NUDCD1: variants seen among roughly 807,000 people sequenced by gnomAD.
NUDCD1 encodes the protein NudC domain containing 1.
A neutral mutation model predicts 67.8 loss-of-function variants in NUDCD1; 60 were observed. That is an observed-to-expected ratio of 0.88 (90% confidence interval 0.72 to 1.10). The LOEUF is 1.10. NUDCD1 is among the 50% of genes least tolerant of loss of function. NUDCD1 has a pLI of 0.00. For missense variants in NUDCD1, 643 were observed against 695.0 expected (o/e 0.93, Z 0.84); for synonymous variants, 244 against 230.8 (o/e 1.06, Z -0.52).
At chr8:109,306,105 C>T in intron 2 of NUDCD1, among the ~76,000 whole-genome samples, 1 of 152,274 alleles carries the variant, frequency 6.6e-6, no homozygotes, top group Admixed American at 6.5e-5. Context: ...CTCCTACTCA[C>T]CACTCTCAAC....
chr8:109,309,335 C>A (rs1236116806), intron 2 of NUDCD1, among the ~76,000 whole-genome samples: 1 of 152,138 alleles, frequency 6.6e-6, no homozygotes, highest in Non-Finnish European at 1.5e-5. Context: ...TGATACACCA[C>A]ATAAACAGAA....
intron 2 of NUDCD1, among the ~76,000 whole-genome samples, chr8:109,317,368 G>A (rs545856560): frequency 5.3e-5 from 8 of 152,114 alleles, no homozygotes; most frequent in East Asian, 3.9e-4. Context: ...CATAATATCC[G>A]TCTCTATTAA....
intron 2 of NUDCD1, among the ~76,000 whole-genome samples, chr8:109,306,639 C>G (rs1040736863): frequency 2.4e-4 from 37 of 151,646 alleles, no homozygotes; most frequent in African/African-American, 9.0e-4. Flanking sequence ...GAACCCCCCC[C>G]ACCCCCGGAC....
At chr8:109,268,714 C>G (rs1008477802) in intron 8 of NUDCD1, among the ~76,000 whole-genome samples, 1 of 152,128 alleles carries the variant, frequency 6.6e-6, no homozygotes, top group Non-Finnish European at 1.5e-5. Flanking sequence ...AGAAGAACAA[C>G]CAGATTCTTC....
intron 1 of NUDCD1, among the ~76,000 whole-genome samples, chr8:109,333,290 G>C (rs1428642008): frequency 6.6e-6 from 1 of 152,162 alleles, no homozygotes; most frequent in African/African-American, 2.4e-5. Context: ...GTAAAAACAA[G>C]AGTAAGGATA....
intron 8 of NUDCD1, among the ~76,000 whole-genome samples, chr8:109,246,906 AT>A (rs1813510595): frequency 6.6e-6 from 1 of 152,170 alleles, no homozygotes; most frequent in South Asian, 2.1e-4. Flanking sequence ...GGGACCTATT[AT>A]TGGTAAAGCT....
rs150398509 is a variant in NUDCD1, at chr8:109,318,886, G to A, written c.273+3423C>T. ...AATATACTGATCAAGCCTTCTGCTG[G>A]GTGCTAGAACCCATGGCCTCGTCCA... On this transcript the variant is annotated intron_variant, in intron 2 of 9. Transcript: ENST00000239690. 4.5e-3 allele frequency among the ~76,000 whole-genome samples: 685 copies of A among 151,882 alleles called. 1 individual carries two copies. Among genetic ancestry groups the A allele is most frequent in the Middle Eastern group, 0.017 (5 of 288 alleles).
chr8:109,276,570 C>T (rs940089837), intron 6 of NUDCD1, among the ~76,000 whole-genome samples: 1 of 152,168 alleles, frequency 6.6e-6, no homozygotes, highest in African/African-American at 2.4e-5. Context: ...CTGAAACTAC[C>T]TATTTTAAGA....
intron 2 of NUDCD1, among the ~76,000 whole-genome samples, chr8:109,296,889 T>C (rs1217708934): frequency 6.6e-6 from 1 of 152,204 alleles, no homozygotes; most frequent in Non-Finnish European, 1.5e-5. Flanking sequence ...CAGACCCACA[T>C]GGGGAGGAAA....
rs780600643 is a variant in NUDCD1 at position 109,296,433 on chromosome 8, T to C, written c.410A>G (p.Tyr137Cys). The C allele has an allele frequency of 9.3e-6, 15 of 1,613,706 alleles. No homozygotes were observed. The highest frequency in any genetic ancestry group is 1.1e-5 in the Non-Finnish European group (13 of 1,179,730). ...VTLSDGTGRLYVIGTGERGNS... is the reference protein window; with the variant it reads ...VTLSDGTGRLCVIGTGERGNS... ...TCCACGTTCACCTGTTCCAATGACATACAATCTTCCAGTTCCATCTGACAA... is the reference window on the plus strand; with the variant it reads ...TCCACGTTCACCTGTTCCAATGACACACAATCTTCCAGTTCCATCTGACAA... The change falls in exon 3 of 10, where the codon TAT becomes TGT. Residue 137 changes from tyrosine to cysteine, a missense_variant. Coordinates refer to ENST00000239690, the MANE Select transcript of NUDCD1 (RefSeq NM_032869.4).
chr8:109,322,396 A>T lies in NUDCD1; in HGVS notation c.186T>A (p.Tyr62Ter), dbSNP rs1487744986. Residue 62 changes from tyrosine to a stop codon, truncating the protein, a stop_gained, in exon 2 of 10, where the codon TAT (tyrosine) becomes TAA (stop). Transcript: ENST00000239690. LOFTEE classifies it high-confidence loss of function. ...ACCATGAATCACAGTGCAGGTAATT[A>T]TACATTCCAAAAGCATGCATGTGTT... ...TLEHMHAFGM[Y>*]NYLHCDSWYQ... 6.2e-7 allele frequency: 1 copy of T among 1,603,834 alleles called. No individual in the cohort carries two copies. Among genetic ancestry groups the T allele is most frequent in the Non-Finnish European group, 8.5e-7 (1 of 1,171,124 alleles).
intron 5 of NUDCD1, among the ~76,000 whole-genome samples, chr8:109,284,002 A>C (rs897082803): frequency 3.3e-5 from 5 of 151,540 alleles, no homozygotes; most frequent in Non-Finnish European, 4.4e-5. Context: ...AAAAAAAAAA[A>C]AAAAACAAAA....
intron 2 of NUDCD1, 109 bp downstream of exon 2, chr8:109,322,200 G>A (rs546709392): frequency 5.5e-6 from 3 of 541,608 alleles, no homozygotes; most frequent in South Asian, 6.7e-5. Flanking sequence ...TATACTACAG[G>A]TATGTGCACC....
chr8:109,245,348 T>A lies in NUDCD1; in HGVS notation c.1433A>T (p.Glu478Val). ...PHSSKQDDMW[E>V]HIATFNALGY... ...TAAAGCATTGAAAGTTGCGATGTGC[T>A]CCCACATATCATCTTGTTTGCTGGA... Residue 478 changes from glutamate to valine, a missense_variant, in exon 9 of 10, where the codon GAG becomes GTG. Glu to Val is a moderately radical substitution (Grantham distance 121). Transcript: ENST00000239690. 1 of 1,613,774 alleles carries A rather than the reference T, an allele frequency of 6.2e-7. No individual in the cohort carries two copies. Among genetic ancestry groups the A allele is most frequent in the Non-Finnish European group, 8.5e-7 (1 of 1,179,846 alleles).
At chr8:109,329,672 T>C in intron 1 of NUDCD1, 2 of 733,662 alleles carry the variant, frequency 2.7e-6, no homozygotes, top group Non-Finnish European at 2.1e-6. Flanking sequence ...AGTATCTTGA[T>C]TGTGGTGATG....
At chr8:109,263,878 G>C (rs1353133509) in intron 8 of NUDCD1, among the ~76,000 whole-genome samples, 9 of 152,174 alleles carry the variant, frequency 5.9e-5, no homozygotes, top group Admixed American at 5.9e-4. Context: ...ATAAATTACT[G>C]CAAATAATAG....
rs1307119300 is a variant in NUDCD1 at position 109,241,479 on chromosome 8, G to A, written c.*1530C>T. 6.6e-6 allele frequency: 1 copy of A among 151,786 alleles called. No individual in the cohort carries two copies. Among genetic ancestry groups the A allele is most frequent in the Non-Finnish European group, 1.5e-5 (1 of 67,928 alleles). 9.4% of individuals were successfully genotyped at this position (151,786 alleles called of 1,614,324 possible). A position where few individuals can be genotyped will look rare whatever the true frequency, so the allele number is the denominator to read the frequency against. ...AAAGTTCTGGAAATATCACTGTTTTGGTTTTTGGTTACTATACAGTTTTCC... is the reference window on the plus strand; with the variant it reads ...AAAGTTCTGGAAATATCACTGTTTTAGTTTTTGGTTACTATACAGTTTTCC... On this transcript the variant is annotated 3_prime_UTR_variant, in exon 10 of 10. Transcript: ENST00000239690.
At chr8:109,263,346 C>A (rs999057111) in intron 8 of NUDCD1, among the ~76,000 whole-genome samples, 3 of 152,124 alleles carry the variant, frequency 2.0e-5, no homozygotes, top group African/African-American at 7.2e-5. Context: ...GATTCAAGTT[C>A]CCTAAGCTCA....
Position 109,293,337 on chromosome 8 carries a change from GTT to G in NUDCD1, c.640+5_640+6del. 1 of 1,509,456 alleles carries G rather than the reference GTT, an allele frequency of 6.6e-7. No individual in the cohort carries two copies. The highest frequency in any genetic ancestry group is 8.9e-7 in the Non-Finnish European group (1 of 1,118,972). The allele number at this position is 1,509,456 out of a possible 1,614,324, so 93.5% of individuals were successfully genotyped here. The stretch of plus-strand genomic sequence containing the variant: ...CCAGTAGAGACAGATTCAGACTTTT[GTT>G]TTACCTTGATTTTTCTTACTGATAG... On this transcript the variant is annotated splice_donor_5th_base_variant and intron_variant, in intron 4 of 9. Coordinates refer to ENST00000239690, the MANE Select transcript of NUDCD1 (RefSeq NM_032869.4).
Sources: allele counts gnomAD v4.1 joint callset (sites outside exome capture counted in the v4.1 genomes callset), GRCh38; gene constraint gnomAD v4.1.1; transcripts MANE v1.5; gene names NCBI Gene and HGNC (gene_info 2026-07-23, HGNC 2026-07-21).